Variants in COL25A1 observed in about 807,000 individuals in gnomAD.
The protein encoded by COL25A1 is collagen alpha-1(XXV) chain.
In COL25A1, 103 loss-of-function variants were observed where a neutral mutation model predicts 128.4. The ratio of observed to expected loss-of-function variants is 0.80; its 90% confidence interval spans 0.68 to 0.94. The LOEUF (loss-of-function observed/expected upper bound fraction) is 0.94, where lower values mean the gene tolerates loss of function less well. COL25A1 is among the 40% of genes least tolerant of loss of function. The pLI is 0.00. For synonymous variants in COL25A1, 279 were observed against 277.2 expected (o/e 1.01, Z -0.06); for missense variants, 745 against 840.0 (o/e 0.89, Z 1.40).
chr4:108,891,435 T>C (rs925028595), intron 16 of COL25A1, among the ~76,000 whole-genome samples: 7 of 152,166 alleles, frequency 4.6e-5, no homozygotes, highest in Non-Finnish European at 1.0e-4. Flanking sequence ...GGAAGCAACA[T>C]GTCCAATAAA....
intron 3 of COL25A1, among the ~76,000 whole-genome samples, chr4:109,286,728 A>T (rs2881291): frequency 6.6e-6 from 1 of 152,182 alleles, no homozygotes; most frequent in Non-Finnish European, 1.5e-5. Flanking sequence ...AAAATAAAGA[A>T]GTAACCAACC....
At chr4:109,007,497 A>G (rs1756137800) in intron 6 of COL25A1, among the ~76,000 whole-genome samples, 1 of 152,170 alleles carries the variant, frequency 6.6e-6, no homozygotes. Context: ...TTTGTGCTGT[A>G]GAAAGATCAC....
chr4:108,909,953 G>A (rs1488578755), intron 13 of COL25A1, among the ~76,000 whole-genome samples: 2 of 152,128 alleles, frequency 1.3e-5, no homozygotes, highest in Non-Finnish European at 2.9e-5. Context: ...AGTGCTGCAC[G>A]GCCACCCAGG....
chr4:108,900,060 T>A (rs1742655850), intron 14 of COL25A1, among the ~76,000 whole-genome samples: 1 of 152,128 alleles, frequency 6.6e-6, no homozygotes, highest in Non-Finnish European at 1.5e-5. Context: ...TTTTTTTAAA[T>A]TTATAACCCA....
At chr4:109,135,939 G>A (rs1769699800) in intron 3 of COL25A1, among the ~76,000 whole-genome samples, 1 of 152,158 alleles carries the variant, frequency 6.6e-6, no homozygotes, top group East Asian at 1.9e-4. Context: ...CTGAGACACA[G>A]TTAATGTAAT....
chr4:109,033,787 C>T (rs541478040), intron 5 of COL25A1, among the ~76,000 whole-genome samples: 9 of 152,160 alleles, frequency 5.9e-5, no homozygotes, highest in African/African-American at 2.2e-4. Flanking sequence ...TTACACCAAA[C>T]ATCATCAATC....
intron 3 of COL25A1, among the ~76,000 whole-genome samples, chr4:109,273,042 C>T (rs900637552): frequency 1.3e-5 from 2 of 151,992 alleles, no homozygotes; most frequent in African/African-American, 4.8e-5. Context: ...CCAATATATG[C>T]CCCATGAAAA....
At chr4:108,945,885 G>A (rs1411906890) in intron 8 of COL25A1, among the ~76,000 whole-genome samples, 23 of 152,022 alleles carry the variant, frequency 1.5e-4, no homozygotes, top group Admixed American at 1.5e-3. Context: ...GGCTGGTCTC[G>A]AACTCCTGAC....
chr4:109,140,253 T>G (rs1295589984), intron 3 of COL25A1, among the ~76,000 whole-genome samples: 1 of 152,216 alleles, frequency 6.6e-6, no homozygotes, highest in Non-Finnish European at 1.5e-5. Flanking sequence ...GTGTGTGGTG[T>G]TATTTCTAAG....
chr4:109,146,194 T>C (rs1288399480), intron 3 of COL25A1, among the ~76,000 whole-genome samples: 2 of 152,168 alleles, frequency 1.3e-5, no homozygotes, highest in Non-Finnish European at 2.9e-5. Flanking sequence ...AGAATAACCA[T>C]GATTAAGAAG....
At chr4:109,136,720 C>T (rs763685198) in intron 3 of COL25A1, among the ~76,000 whole-genome samples, 21 of 152,136 alleles carry the variant, frequency 1.4e-4, no homozygotes, top group South Asian at 6.2e-4. Context: ...GTGTGGCGGG[C>T]AGCCGCTGAG....
intron 3 of COL25A1, among the ~76,000 whole-genome samples, chr4:109,293,419 C>T (rs1483182206): frequency 2.6e-5 from 4 of 152,002 alleles, no homozygotes; most frequent in African/African-American, 9.7e-5. Context: ...ATAGACTTTA[C>T]CCCTTCCCTG....
intron 3 of COL25A1, among the ~76,000 whole-genome samples, chr4:109,130,134 T>C (rs962552974): frequency 1.3e-5 from 2 of 152,096 alleles, no homozygotes; most frequent in African/African-American, 2.4e-5. Flanking sequence ...TACATACATA[T>C]ATATATGTTA....
chr4:109,039,394 A>C (rs1759653684), intron 5 of COL25A1, among the ~76,000 whole-genome samples: 1 of 152,060 alleles, frequency 6.6e-6, no homozygotes. Flanking sequence ...TTTCAGCTTT[A>C]TTTCATACAC....
intron 6 of COL25A1, among the ~76,000 whole-genome samples, chr4:108,992,287 T>TAC (rs1754306711): frequency 2.0e-5 from 3 of 152,168 alleles, no homozygotes; most frequent in Non-Finnish European, 4.4e-5. Flanking sequence ...ATGGTCTTAG[T>TAC]GTTGAAGGCC....
intron 3 of COL25A1, among the ~76,000 whole-genome samples, chr4:109,171,513 T>C (rs969759948): frequency 1.3e-5 from 2 of 152,178 alleles, no homozygotes; most frequent in Non-Finnish European, 1.5e-5. Context: ...TGGCATTTTG[T>C]TACAGCAACT....
chr4:109,244,265 T>C (rs1472519196), intron 3 of COL25A1, among the ~76,000 whole-genome samples: 2 of 152,100 alleles, frequency 1.3e-5, no homozygotes, highest in African/African-American at 4.8e-5. Flanking sequence ...GTGTCTACAC[T>C]GTGAATTATC....
intron 3 of COL25A1, among the ~76,000 whole-genome samples, chr4:109,229,447 A>G (rs1047962223): frequency 6.6e-6 from 1 of 152,130 alleles, no homozygotes; most frequent in Non-Finnish European, 1.5e-5. Context: ...TATATTGTTG[A>G]TTCATTAACA....
At chr4:109,105,544 A>C (rs1409056945) in intron 3 of COL25A1, among the ~76,000 whole-genome samples, 1 of 152,118 alleles carries the variant, frequency 6.6e-6, no homozygotes, top group Non-Finnish European at 1.5e-5. Context: ...TTGTATTTAA[A>C]CTAAATGAAA....
Sources: allele counts gnomAD v4.1 joint callset (sites outside exome capture counted in the v4.1 genomes callset), GRCh38; gene constraint gnomAD v4.1.1; transcripts MANE v1.5; gene names NCBI Gene and HGNC (gene_info 2026-07-23, HGNC 2026-07-21).